GREB1: variants seen among roughly 807,000 people sequenced by gnomAD.
GREB1 encodes protein GREB1.
Under a neutral mutation model 200.7 loss-of-function variants are expected in GREB1, and 106 were observed. That is an observed-to-expected ratio of 0.53 (90% CI 0.45 to 0.62). The LOEUF (loss-of-function observed/expected upper bound fraction) is 0.62. Ranked by LOEUF, GREB1 falls within the 20% of genes least tolerant of loss-of-function variation. The probability of loss-of-function intolerance (pLI) is 0.00; values close to 1 mark genes in which losing one functional copy is unlikely to be tolerated. For synonymous variants in GREB1, 1,132 were observed against 1,092.4 expected (o/e 1.04, Z -0.72); for missense variants, 2,243 against 2,556.8 (o/e 0.88, Z 2.65).
intron 1 of GREB1, among the ~76,000 whole-genome samples, chr2:11,497,465 G>A (rs1256739143): frequency 2.6e-5 from 4 of 152,154 alleles, no homozygotes; most frequent in African/African-American, 9.7e-5. Context: ...AACATATGTT[G>A]TAATTTCTAT....
chr2:11,559,782 T>C (rs1676802219), intron 2 of GREB1, among the ~76,000 whole-genome samples: 1 of 152,220 alleles, frequency 6.6e-6, no homozygotes, highest in Admixed American at 6.5e-5. Context: ...CTGTATGTAA[T>C]GGCAGGAAGA....
At chr2:11,517,168 T>C (rs1673535304) in intron 1 of GREB1, among the ~76,000 whole-genome samples, 2 of 152,344 alleles carry the variant, frequency 1.3e-5, no homozygotes, top group East Asian at 3.9e-4. Context: ...AAGGCCAGGC[T>C]GGCCCTCTTC....
chr2:11,572,101 A>G (rs1678368364), intron 4 of GREB1, among the ~76,000 whole-genome samples: 1 of 152,200 alleles, frequency 6.6e-6, no homozygotes, highest in East Asian at 1.9e-4. Flanking sequence ...GCATAAAAGT[A>G]TTTGTCAGAT....
intron 1 of GREB1, among the ~76,000 whole-genome samples, chr2:11,552,785 G>A (rs1359556289): frequency 6.6e-6 from 1 of 152,042 alleles, no homozygotes; most frequent in Non-Finnish European, 1.5e-5. Flanking sequence ...GCCGAGGCGG[G>A]CGGATCACGA....
At chr2:11,609,967 G>T (rs1682768179) in intron 17 of GREB1, among the ~76,000 whole-genome samples, 1 of 152,158 alleles carries the variant, frequency 6.6e-6, no homozygotes, top group Admixed American at 6.5e-5. Context: ...TTCACGTTGA[G>T]AAACACCATC....
intron 25 of GREB1, among the ~76,000 whole-genome samples, chr2:11,627,451 C>G (rs1684560169): frequency 6.6e-6 from 1 of 152,240 alleles, no homozygotes; most frequent in African/African-American, 2.4e-5. Context: ...TGAATCAACT[C>G]TGTCCCCATC....
intron 31 of GREB1, 53 bp from the exon 32 acceptor site, chr2:11,638,618 T>TA: frequency 6.3e-7 from 1 of 1,576,114 alleles, no homozygotes; most frequent in African/African-American, 1.4e-5. Context: ...AGTATAATGT[T>TA]ACTGAGCATT....
At chr2:11,570,911 T>C (rs902022632) in intron 4 of GREB1, among the ~76,000 whole-genome samples, 2 of 152,110 alleles carry the variant, frequency 1.3e-5, no homozygotes, top group Non-Finnish European at 2.9e-5. Context: ...CGGGAACACC[T>C]GGGACCCCTG....
chr2:11,551,089 C>A (rs974164), intron 1 of GREB1, among the ~76,000 whole-genome samples: 16,502 of 152,220 alleles, frequency 0.11, 2,510 homozygotes, highest in African/African-American at 0.34. Flanking sequence ...GCATGTTGAG[C>A]TAGCTCACTG....
intron 8 of GREB1, 31 bp from the exon 9 acceptor site, chr2:11,585,731 T>C (rs766189215): frequency 1.2e-6 from 2 of 1,611,608 alleles, no homozygotes; most frequent in East Asian, 2.2e-5. Flanking sequence ...CCTTGTCTGA[T>C]GTTTTCACTA....
chr2:11,516,733 G>T (rs542147583), intron 1 of GREB1, among the ~76,000 whole-genome samples: 2 of 152,160 alleles, frequency 1.3e-5, no homozygotes, highest in Non-Finnish European at 2.9e-5. Flanking sequence ...CCTTGGCGCC[G>T]TCCATCTAAG....
At position 11,640,795 on chromosome 2, in the gene GREB1, A is replaced by C. The variant is rs769266137; in HGVS notation, c.*341A>C. On this transcript the variant is annotated 3_prime_UTR_variant, in exon 33 of 33. Coordinates refer to ENST00000381486, the MANE Select transcript of GREB1 (RefSeq NM_014668.4). This position sits in a 1 kb window ranked among gnomAD's most constrained non-coding sequence, Gnocchi z 4.6. Reference sequence around the variant, plus strand: ...ACCTGATTTTTTTCTCTTAGTTCTAAAGAATCTTGGGTTATTTTGTAGCGG... The same window carrying C: ...ACCTGATTTTTTTCTCTTAGTTCTACAGAATCTTGGGTTATTTTGTAGCGG... 24 of 233,882 alleles carry C rather than the reference A, an allele frequency of 1.0e-4. No individual in the cohort carries two copies. The highest frequency in any genetic ancestry group is 1.7e-4 in the Non-Finnish European group (21 of 122,728). The allele number at this position is 233,882 out of a possible 1,614,324, so 14.5% of individuals were successfully genotyped here.
chr2:11,504,721 T>C (rs970524031), intron 1 of GREB1, among the ~76,000 whole-genome samples: 2 of 152,250 alleles, frequency 1.3e-5, no homozygotes, highest in Non-Finnish European at 2.9e-5. Context: ...CATTCCATTG[T>C]ATGGATAGAT....
intron 1 of GREB1, among the ~76,000 whole-genome samples, chr2:11,538,817 CTCCCTCCCTTCCTCCCTCCCTCCA>C (rs1674476354): frequency 1.9e-5 from 2 of 102,738 alleles, no homozygotes; most frequent in South Asian, 1.0e-3. Flanking sequence ...TCCTTCCTTC[CTCCCTCCCTTCCTCCCTCCCTCCA>C]TCCCTTCCTT....
At chr2:11,630,245 C>A in intron 26 of GREB1, 136 bp downstream of exon 26, 2 of 755,116 alleles carry the variant, frequency 2.6e-6, no homozygotes, top group Non-Finnish European at 4.2e-6. Context: ...GCTGGTGTCG[C>A]GCACGGGCTC....
At chr2:11,636,714 AGGCAGGGGCAAG>A (rs1685341641) in intron 30 of GREB1, among the ~76,000 whole-genome samples, 1 of 150,420 alleles carries the variant, frequency 6.6e-6, no homozygotes, top group Non-Finnish European at 1.5e-5. Flanking sequence ...CCACGTGCCC[AGGCAGGGGCAAG>A]GGCAGGGGTA....
intron 5 of GREB1, among the ~76,000 whole-genome samples, chr2:11,577,412 TA>T (rs1478458481): frequency 2.0e-5 from 3 of 152,200 alleles, no homozygotes; most frequent in Non-Finnish European, 2.9e-5. Flanking sequence ...CCCTGAACCC[TA>T]AACTATGGCC....
chr2:11,599,666 G>A (rs11689869), intron 15 of GREB1, among the ~76,000 whole-genome samples: 98,354 of 151,632 alleles, frequency 0.65, 37,894 homozygotes, highest in East Asian at 0.97. Context: ...GACTACAGGC[G>A]CCTGCCACCA....
upstream of GREB1, among the ~76,000 whole-genome samples, chr2:11,530,022 A>T (rs1674011723): frequency 6.6e-6 from 1 of 152,194 alleles, no homozygotes; most frequent in South Asian, 2.1e-4. Context: ...TCTGCATTTT[A>T]ATAAGACCCC....
Sources: allele counts gnomAD v4.1 joint callset (sites outside exome capture counted in the v4.1 genomes callset), GRCh38; gene constraint gnomAD v4.1.1; non-coding constraint Gnocchi (gnomAD v3.1); transcripts MANE v1.5; gene names NCBI Gene and HGNC (gene_info 2026-07-23, HGNC 2026-07-21).